Variants in TRABD2B observed in about 807,000 individuals in gnomAD.
TRABD2B encodes the protein metalloprotease TIKI2.
A neutral mutation model predicts 40.1 loss-of-function variants in TRABD2B; 14 were observed. The observed-to-expected ratio is 0.35, with a 90% CI of 0.23 to 0.55. The LOEUF (loss-of-function observed/expected upper bound fraction) is 0.55. Ranked by LOEUF, TRABD2B falls within the 20% of genes least tolerant of loss-of-function variation. TRABD2B has a pLI of 0.90. For synonymous variants in TRABD2B, 263 were observed against 277.0 expected (o/e 0.95, Z 0.50); for missense variants, 541 against 648.6 (o/e 0.83, Z 1.80).
intron 2 of TRABD2B, among the ~76,000 whole-genome samples, chr1:47,937,763 C>A (rs1431204324): frequency 6.6e-6 from 1 of 152,196 alleles, no homozygotes; most frequent in African/African-American, 2.4e-5. Flanking sequence ...TAAGGCCAAT[C>A]ATTCTGCCTC....
At chr1:47,990,990 T>C (rs986224856) in intron 2 of TRABD2B, among the ~76,000 whole-genome samples, 1 of 150,748 alleles carries the variant, frequency 6.6e-6, no homozygotes, top group African/African-American at 2.4e-5. Flanking sequence ...TCTCTACAAG[T>C]ATAAATTTTC....
At chr1:47,918,148 C>A (rs1038324524) in intron 2 of TRABD2B, among the ~76,000 whole-genome samples, 1 of 152,190 alleles carries the variant, frequency 6.6e-6, no homozygotes, top group Non-Finnish European at 1.5e-5. Context: ...CCTTGAAGTG[C>A]CCTGAGTGGA....
chr1:47,766,632 A>C (rs1324698150), intron 6 of TRABD2B, among the ~76,000 whole-genome samples: 1 of 152,126 alleles, frequency 6.6e-6, no homozygotes, highest in Non-Finnish European at 1.5e-5. Flanking sequence ...TCCTCATAAC[A>C]AGCCTTCAAA....
At chr1:47,940,276 G>A (rs563898997) in intron 2 of TRABD2B, among the ~76,000 whole-genome samples, 2 of 152,330 alleles carry the variant, frequency 1.3e-5, no homozygotes, top group South Asian at 4.1e-4. Flanking sequence ...CAGAATTCTT[G>A]TGCAGCAGGA....
intron 2 of TRABD2B, among the ~76,000 whole-genome samples, chr1:47,812,622 G>C (rs2124357929): frequency 6.6e-6 from 1 of 152,326 alleles, no homozygotes; most frequent in South Asian, 2.1e-4. Context: ...AGCAGGCTAA[G>C]GTGAGAGGAT....
intron 2 of TRABD2B, among the ~76,000 whole-genome samples, chr1:47,821,175 A>G (rs1180798738): frequency 1.3e-5 from 2 of 152,198 alleles, no homozygotes; most frequent in African/African-American, 2.4e-5. Flanking sequence ...TCATTTTCAC[A>G]TGATGGTGCT....
intron 2 of TRABD2B, among the ~76,000 whole-genome samples, chr1:47,968,167 T>C (rs1645630085): frequency 6.6e-6 from 1 of 152,260 alleles, no homozygotes; most frequent in South Asian, 2.1e-4. Context: ...TAAGAACTGT[T>C]CAAATTAGCA....
At chr1:47,947,547 C>A (rs1166768723) in intron 2 of TRABD2B, among the ~76,000 whole-genome samples, 1 of 152,056 alleles carries the variant, frequency 6.6e-6, no homozygotes, top group African/African-American at 2.4e-5. Context: ...CTTGGGCACT[C>A]CTAGAAAGTG....
chr1:47,877,176 G>C (rs1455876271), intron 2 of TRABD2B, among the ~76,000 whole-genome samples: 2 of 151,372 alleles, frequency 1.3e-5, no homozygotes, highest in Non-Finnish European at 2.9e-5. Context: ...AGGACTAGAA[G>C]TCAGCTCTGT....
chr1:47,878,939 A>AT (rs5773969), intron 2 of TRABD2B, among the ~76,000 whole-genome samples: 44,931 of 145,816 alleles, frequency 0.31, 6,800 homozygotes, highest in East Asian at 0.46. Context: ...TCTACAAAAG[A>AT]TTTTTTTTTT....
At chr1:47,839,968 G>T (rs1202863711) in intron 2 of TRABD2B, among the ~76,000 whole-genome samples, 1 of 152,142 alleles carries the variant, frequency 6.6e-6, no homozygotes, top group Non-Finnish European at 1.5e-5. Flanking sequence ...CAGCCTTTCT[G>T]TAGGTCCAGG....
chr1:47,769,725 C>A (rs757092250), intron 6 of TRABD2B, among the ~76,000 whole-genome samples: 1 of 152,370 alleles, frequency 6.6e-6, no homozygotes, highest in Admixed American at 6.5e-5. Context: ...GAGGCCGCAT[C>A]GGCTCTGAGT....
At chr1:47,838,890 C>T (rs544086314) in intron 2 of TRABD2B, among the ~76,000 whole-genome samples, 10 of 152,314 alleles carry the variant, frequency 6.6e-5, no homozygotes, top group African/African-American at 9.6e-5. Flanking sequence ...ACTCCTGAGA[C>T]GAAACGGGAG....
At chr1:47,854,769 T>C (rs1294238393) in intron 2 of TRABD2B, among the ~76,000 whole-genome samples, 1 of 152,242 alleles carries the variant, frequency 6.6e-6, no homozygotes, top group Non-Finnish European at 1.5e-5. Context: ...GCTCTGCCCC[T>C]GAGCTTGTTT....
intron 2 of TRABD2B, among the ~76,000 whole-genome samples, chr1:47,850,509 C>A (rs114932969): frequency 1.8e-3 from 272 of 152,340 alleles, no homozygotes; most frequent in African/African-American, 6.0e-3. Context: ...GTGCTCTCCA[C>A]CCTAAGGGCA....
intron 2 of TRABD2B, among the ~76,000 whole-genome samples, chr1:47,821,932 C>G (rs1645115881): frequency 6.6e-6 from 1 of 152,128 alleles, no homozygotes; most frequent in Non-Finnish European, 1.5e-5. Context: ...CTGATTAACT[C>G]TCAGCCAACC....
chr1:47,774,971 T>G (rs996996348), intron 6 of TRABD2B, among the ~76,000 whole-genome samples, 199 bp downstream of exon 6: 9 of 152,228 alleles, frequency 5.9e-5, no homozygotes, highest in African/African-American at 1.7e-4. Context: ...TGCAGAGAAT[T>G]GTACTTGTTG....
rs770620991 is a variant in TRABD2B, at chr1:47,765,962, G to A, written c.1494C>T (p.Leu498=). Residue 498 remains leucine, a synonymous_variant, in exon 7 of 7, where the codon CTC becomes CTT. Transcript: ENST00000606738. The part of the protein sequence containing the change: ...ASSSAPTLGL[L]PAIATTIAVC... ...CAGCGATGGTGGTGGCGATGGCGGG[G>A]AGAAGGCCCAGGGTGGGTGCCGAGC... 1.1e-5 allele frequency: 8 copies of A among 702,744 alleles called. No individual in the cohort carries two copies. The South Asian group carries it at 1.2e-4, about 10-fold the overall frequency. 43.5% of individuals were successfully genotyped at this position (702,744 alleles called of 1,614,324 possible). A position where few individuals can be genotyped will look rare whatever the true frequency, so the allele number is the denominator to read the frequency against.
intron 2 of TRABD2B, among the ~76,000 whole-genome samples, chr1:47,961,251 T>C (rs1645510296): frequency 6.6e-6 from 1 of 152,134 alleles, no homozygotes; most frequent in Non-Finnish European, 1.5e-5. Flanking sequence ...CCTAAAACCA[T>C]AAAAACCCTA....
Sources: allele counts gnomAD v4.1 joint callset (sites outside exome capture counted in the v4.1 genomes callset), GRCh38; gene constraint gnomAD v4.1.1; transcripts MANE v1.5; gene names NCBI Gene and HGNC (gene_info 2026-07-23, HGNC 2026-07-21).